MYH10: variants seen among roughly 807,000 people sequenced by gnomAD.
The protein encoded by MYH10 is myosin-10.
A neutral mutation model predicts 257.8 loss-of-function variants in MYH10; 55 were observed. That is an observed-to-expected ratio of 0.21 (90% CI 0.17 to 0.27). MYH10 has a LOEUF of 0.27. Among genes scored for constraint, MYH10 ranks in the 10% least tolerant of loss-of-function variants. The pLI is 1.00. For synonymous variants in MYH10, 854 were observed against 921.7 expected (o/e 0.93, Z 1.33); for missense variants, 1,631 against 2,500.6 (o/e 0.65, Z 7.42).
chr17:8,577,461 A>T (rs1033323203), intron 4 of MYH10, 123 bp from the exon 5 acceptor site: 36 of 513,938 alleles, frequency 7.0e-5, no homozygotes, highest in African/African-American at 6.5e-4. Context: ...GAATAAATAG[A>T]AAAAATAACT....
intron 23 of MYH10, 59 bp downstream of exon 23, chr17:8,513,479 A>G: frequency 6.3e-7 from 1 of 1,595,422 alleles, no homozygotes; most frequent in Non-Finnish European, 8.5e-7. Flanking sequence ...GGTTGCTACC[A>G]GTGCAAGATC....
At chr17:8,580,697 T>C (rs1048690762) in intron 4 of MYH10, among the ~76,000 whole-genome samples, 1 of 152,178 alleles carries the variant, frequency 6.6e-6, no homozygotes, top group South Asian at 2.1e-4. Flanking sequence ...GATAAGAAAA[T>C]AGTTTCTATT....
intron 14 of MYH10, among the ~76,000 whole-genome samples, chr17:8,539,443 A>AGGAACCAAT (rs1257367915): frequency 6.6e-6 from 1 of 152,134 alleles, no homozygotes; most frequent in East Asian, 1.9e-4. Flanking sequence ...AGTCATACCC[A>AGGAACCAAT]GGAACCAATG....
chr17:8,601,156 C>T lies in MYH10; in HGVS notation c.502+3670G>A, dbSNP rs113144044. Among the ~76,000 whole-genome samples the T allele has an allele frequency of 1.7e-3, 263 of 152,204 alleles. 1 individual carries two copies. Among genetic ancestry groups the T allele is most frequent in the Non-Finnish European group, 3.2e-3 (221 of 68,004 alleles). ...TTCCTTTCCATCTACCCAGGTCAACCGGGGTTGGTAGCAGTGTTGGTTGCC... is the reference window on the plus strand; with the variant it reads ...TTCCTTTCCATCTACCCAGGTCAACTGGGGTTGGTAGCAGTGTTGGTTGCC... On this transcript the variant is annotated intron_variant, in intron 3 of 42. Transcript: ENST00000360416.
At chr17:8,478,497 T>TG (rs1567762605) in intron 40 of MYH10, 51 bp from the exon 41 acceptor site, 7 of 1,552,694 alleles carry the variant, frequency 4.5e-6, no homozygotes, top group Non-Finnish European at 5.3e-6. Flanking sequence ...GTATTTTGTG[T>TG]GGGAAAAAAT....
chr17:8,544,984 C>A (rs2082399981), intron 13 of MYH10, among the ~76,000 whole-genome samples: 1 of 152,236 alleles, frequency 6.6e-6, no homozygotes, highest in Non-Finnish European at 1.5e-5. Flanking sequence ...ACAGTGGCCC[C>A]CTTGATGGTC....
intron 12 of MYH10, among the ~76,000 whole-genome samples, chr17:8,546,293 A>T (rs556395929): frequency 6.6e-6 from 1 of 152,250 alleles, no homozygotes; most frequent in East Asian, 1.9e-4. Flanking sequence ...TCCTGACCTC[A>T]GGTGATCTGC....
chr17:8,558,430 T>C (rs999775129), intron 7 of MYH10, among the ~76,000 whole-genome samples: 6 of 152,156 alleles, frequency 3.9e-5, no homozygotes, highest in African/African-American at 1.4e-4. Context: ...ACCACATACA[T>C]TAGCTGCTTC....
At chr17:8,609,141 C>T (rs1383252857) in intron 2 of MYH10, among the ~76,000 whole-genome samples, 1 of 152,118 alleles carries the variant, frequency 6.6e-6, no homozygotes, top group Non-Finnish European at 1.5e-5. Flanking sequence ...TGGAAGTGCC[C>T]GGCCTCTGTT....
At chr17:8,511,468 C>T (rs1243351559) in intron 24 of MYH10, among the ~76,000 whole-genome samples, 2 of 152,120 alleles carry the variant, frequency 1.3e-5, no homozygotes, top group Non-Finnish European at 2.9e-5. Flanking sequence ...TGCAGTGAGC[C>T]GAGATTGCGC....
intron 1 of MYH10, among the ~76,000 whole-genome samples, chr17:8,629,455 C>T (rs2085815438): frequency 6.6e-6 from 1 of 151,386 alleles, no homozygotes; most frequent in Admixed American, 6.6e-5. Context: ...ATCCAAACCT[C>T]ACCAGCCCGG....
At chr17:8,592,949 AT>A (rs2084220241) in intron 3 of MYH10, among the ~76,000 whole-genome samples, 1 of 111,136 alleles carries the variant, frequency 9.0e-6, no homozygotes, top group East Asian at 2.9e-4. Flanking sequence ...ATATATATAT[AT>A]ATATATATAT....
intron 35 of MYH10, among the ~76,000 whole-genome samples, chr17:8,489,507 C>T (rs1424393769): frequency 1.3e-5 from 2 of 152,118 alleles, no homozygotes; most frequent in Non-Finnish European, 2.9e-5. Flanking sequence ...AGTTTGAGAC[C>T]AGCCTGGCCA....
intron 2 of MYH10, among the ~76,000 whole-genome samples, chr17:8,621,593 G>C (rs1284134001): frequency 6.6e-6 from 1 of 152,122 alleles, no homozygotes; most frequent in Non-Finnish European, 1.5e-5. Context: ...CTTATCCCTG[G>C]CTTAGTCTGA....
intron 9 of MYH10, among the ~76,000 whole-genome samples, chr17:8,551,159 T>TAAA (rs1491268436): frequency 2.3e-4 from 2 of 8,598 alleles, no homozygotes; most frequent in Non-Finnish European, 5.2e-4. Context: ...AAATAATAAA[T>TAAA]TTAAAAAAAA....
intron 4 of MYH10, among the ~76,000 whole-genome samples, chr17:8,581,318 T>C (rs559219930): frequency 1.4e-3 from 207 of 152,334 alleles, no homozygotes; most frequent in Admixed American, 2.4e-3. Flanking sequence ...TGGTTGTTGG[T>C]TTCAAAAAGA....
At chr17:8,498,062 A>C (rs1916942510) in intron 30 of MYH10, among the ~76,000 whole-genome samples, 1 of 141,536 alleles carries the variant, frequency 7.1e-6, no homozygotes, top group Admixed American at 7.8e-5. Context: ...GCTCACTGCA[A>C]TCTCCACCTC....
intron 7 of MYH10, chr17:8,554,341 A>G (rs994543382): frequency 3.9e-5 from 7 of 177,290 alleles, no homozygotes; most frequent in African/African-American, 1.7e-4. Context: ...ATAGTTTTAA[A>G]GGACCACTCT....
rs199937589 is a variant in MYH10, at chr17:8,476,929, G to A, written c.5826C>T (p.Thr1942=). The A allele has an allele frequency of 3.0e-5, 48 of 1,613,450 alleles. No homozygotes were observed. The highest frequency in any genetic ancestry group is 3.8e-5 in the Non-Finnish European group (45 of 1,180,036). Residue 1942 remains threonine (T), a synonymous_variant, in exon 42 of 43, where the codon ACC becomes ACT. Coordinates refer to ENST00000360416, the MANE Select transcript of MYH10 (RefSeq NM_001256012.3). ...RKLQRELDDA[T]EANEGLSREV... is the part of the protein sequence containing the mutation. ...CGCGGCTCAGGCCCTCGTTGGCCTCGGTGGCATCATCCAGTTCCCGCTGGA... is the reference window on the plus strand; with the variant it reads ...CGCGGCTCAGGCCCTCGTTGGCCTCAGTGGCATCATCCAGTTCCCGCTGGA...
Sources: allele counts gnomAD v4.1 joint callset (sites outside exome capture counted in the v4.1 genomes callset), GRCh38; gene constraint gnomAD v4.1.1; transcripts MANE v1.5; gene names NCBI Gene and HGNC (gene_info 2026-07-23, HGNC 2026-07-21).